Variants in SLC2A10 observed in about 807,000 individuals in gnomAD.
SLC2A10 encodes solute carrier family 2 member 10, also known as solute carrier family 2, facilitated glucose transporter member 10.
SLC2A10 carries 25 observed loss-of-function variants against 32.1 expected under a neutral mutation model. The observed-to-expected ratio is 0.78, with a 90% CI of 0.57 to 1.09. The LOEUF is 1.09. SLC2A10 is among the 50% of genes least tolerant of loss of function. SLC2A10 has a pLI of 0.00. For synonymous variants in SLC2A10, 332 were observed against 309.6 expected (o/e 1.07, Z -0.76); for missense variants, 673 against 686.5 (o/e 0.98, Z 0.22).
chr20:46,730,972 G>T (rs1237545978), intron 4 of SLC2A10, among the ~76,000 whole-genome samples: 3 of 152,152 alleles, frequency 2.0e-5, no homozygotes. Context: ...CCCCAATCTG[G>T]ATCCTAATGT....
Position 46,735,753 on chromosome 20 carries a change from T to C in SLC2A10, c.*1919T>C, listed in dbSNP as rs1980537161. The C allele has an allele frequency of 6.6e-6, 1 of 152,250 alleles. No individual in the cohort carries two copies. Among genetic ancestry groups the C allele is most frequent in the African/African-American group, 2.4e-5 (1 of 41,472 alleles). The allele number at this position is 152,250 out of a possible 1,614,324, so 9.4% of individuals were successfully genotyped here. A position where few individuals can be genotyped will look rare whatever the true frequency, so the allele number is the denominator to read the frequency against. The stretch of plus-strand genomic sequence containing the variant: ...AATGTCAGTAATGCAAATTAAACTT[T>C]AAAGTATGTCTTGTTTGTAGCCAAT... On this transcript the variant is annotated 3_prime_UTR_variant, in exon 5 of 5. Coordinates refer to ENST00000359271, the MANE Select transcript of SLC2A10 (RefSeq NM_030777.4).
At chr20:46,721,790 T>A (rs1979568941) in intron 1 of SLC2A10, among the ~76,000 whole-genome samples, 1 of 152,244 alleles carries the variant, frequency 6.6e-6, no homozygotes, top group African/African-American at 2.4e-5. Context: ...AAAATGTAGT[T>A]CTTTTTTCTT....
rs371463043 is a variant in SLC2A10, at chr20:46,712,610, T to C, written c.4+2870T>C. ...AATGTGTTCTCCTTAATTTTCTTTC[T>C]TTTCTTTTTTTCTCTTTCTTTCTTT... is the stretch of plus-strand genomic sequence containing the variant. On this transcript the variant is annotated intron_variant, in intron 1 of 4. Transcript: ENST00000359271. Among the ~76,000 whole-genome samples the C allele has an allele frequency of 2.1e-4, 32 of 152,088 alleles. No homozygotes were observed. In the South Asian group the frequency reaches 5.8e-3, roughly 28 times the overall value.
At chr20:46,726,453 C>T (rs1979968061) in intron 2 of SLC2A10, 129 bp downstream of exon 2, 3 of 1,362,200 alleles carry the variant, frequency 2.2e-6, no homozygotes, top group Non-Finnish European at 3.0e-6. Context: ...ACCATGAAGC[C>T]TCAGGGCCCC....
intron 1 of SLC2A10, 42 bp from the exon 2 acceptor site, chr20:46,724,999 A>G: frequency 6.2e-7 from 1 of 1,613,782 alleles, no homozygotes; most frequent in Non-Finnish European, 8.5e-7. Context: ...TGGTATGACA[A>G]GGAACCATTC....
intron 1 of SLC2A10, among the ~76,000 whole-genome samples, chr20:46,713,541 G>C (rs1391313162): frequency 6.6e-6 from 1 of 152,180 alleles, no homozygotes; most frequent in Non-Finnish European, 1.5e-5. Flanking sequence ...CCCAGTGAGA[G>C]GGGGCAGATC....
chr20:46,711,362 C>T (rs1469019038), intron 1 of SLC2A10, among the ~76,000 whole-genome samples: 1 of 152,162 alleles, frequency 6.6e-6, no homozygotes, highest in Non-Finnish European at 1.5e-5. Context: ...ATTCTGACTC[C>T]AGTCTGCATT....
intron 1 of SLC2A10, among the ~76,000 whole-genome samples, chr20:46,718,129 A>T (rs1343342037): frequency 2.6e-5 from 4 of 152,094 alleles, no homozygotes; most frequent in African/African-American, 9.7e-5. Flanking sequence ...AAGCTAAGGC[A>T]GGAGGATCAC....
chr20:46,726,737 GT>G (rs1979985750), intron 2 of SLC2A10, 126 bp from the exon 3 acceptor site: 1 of 1,255,840 alleles, frequency 8.0e-7, no homozygotes, highest in South Asian at 1.2e-5. Context: ...CAGAATGGGA[GT>G]GGGAGTTTAG....
At chr20:46,728,567 A>G (rs998680082) in intron 3 of SLC2A10, among the ~76,000 whole-genome samples, 1 of 150,014 alleles carries the variant, frequency 6.7e-6, no homozygotes, top group Non-Finnish European at 1.5e-5. Flanking sequence ...TGAATGATCA[A>G]TTCACTGAAT....
At chr20:46,720,903 A>C (rs2123027968) in intron 1 of SLC2A10, among the ~76,000 whole-genome samples, 1 of 152,294 alleles carries the variant, frequency 6.6e-6, no homozygotes, top group Middle Eastern at 3.4e-3. Context: ...TCCAAGACTT[A>C]GCATCTTCTA....
At chr20:46,712,651 C>CTTTTTTTTTTT (rs11477202) in intron 1 of SLC2A10, among the ~76,000 whole-genome samples, 201 of 94,416 alleles carry the variant, frequency 2.1e-3, no homozygotes, top group African/African-American at 2.7e-3. Flanking sequence ...TTCTTTCTTT[C>CTTTTTTTTTTT]TTTTTTTTTT....
rs779049061 is a variant in SLC2A10, at chr20:46,729,312, T to A, written c.1412-41T>A. 7 of 1,612,050 alleles carry A rather than the reference T, an allele frequency of 4.3e-6. No individual in the cohort carries two copies. The African/African-American group carries it at 6.7e-5, about 15-fold the overall frequency. ...GTTGGCCCAGGCTGCGGGGCCAGAGTGCTTGGTCCTGGGCCTACACTCCCG... is the reference window on the plus strand; with the variant it reads ...GTTGGCCCAGGCTGCGGGGCCAGAGAGCTTGGTCCTGGGCCTACACTCCCG... On this transcript the variant is annotated intron_variant, in intron 3 of 4. Transcript: ENST00000359271.
chr20:46,729,554 A>G, intron 4 of SLC2A10, 66 bp downstream of exon 4: 1 of 1,531,388 alleles, frequency 6.5e-7, no homozygotes, highest in African/African-American at 1.4e-5. Flanking sequence ...CAGCTTCAGG[A>G]TTTTAGTCTT....
At chr20:46,731,628 G>T (rs1980304071) in intron 4 of SLC2A10, among the ~76,000 whole-genome samples, 1 of 152,190 alleles carries the variant, frequency 6.6e-6, no homozygotes, top group South Asian at 2.1e-4. Context: ...AGCCCTTGGG[G>T]ACTGGAGGCT....
chr20:46,715,786 C>G (rs1453517789), intron 1 of SLC2A10, among the ~76,000 whole-genome samples: 1 of 152,162 alleles, frequency 6.6e-6, no homozygotes, highest in Admixed American at 6.5e-5. Flanking sequence ...GGACTGTGGA[C>G]CCAGACAGCC....
Position 46,733,700 on chromosome 20 carries a change from C to T in SLC2A10, c.1548-56C>T, listed in dbSNP as rs1392288534. 17 of 1,461,476 alleles carry T rather than the reference C, an allele frequency of 1.2e-5. 1 individual carries two copies. Among genetic ancestry groups the T allele is most frequent in the Middle Eastern group, 1.8e-4 (1 of 5,648 alleles). 90.5% of individuals were successfully genotyped at this position (1,461,476 alleles called of 1,614,324 possible). The stretch of plus-strand genomic sequence containing the variant: ...GAACCCCAGTGGAAGGTCCACTCCC[C>T]AGGGACGGCCCCAGGCCCTGCCACC... On this transcript the variant is annotated intron_variant, in intron 4 of 4. Coordinates refer to ENST00000359271, the MANE Select transcript of SLC2A10 (RefSeq NM_030777.4).
rs1034884240 is a variant in SLC2A10, at chr20:46,728,612, T to C, written c.1412-741T>C. Among the ~76,000 whole-genome samples the C allele has an allele frequency of 7.7e-3, 1,129 of 147,120 alleles. 15 individuals carry two copies. The highest frequency in any genetic ancestry group is 0.027 in the African/African-American group (1,067 of 39,318). On this transcript the variant is annotated intron_variant, in intron 3 of 4. Transcript: ENST00000359271. Reference sequence around the variant, plus strand: ...ATGGAATTTCTGGGTGTGTTTTTTTTTTTTTTTTTTTTTTTTGAAACAGGG... The same window carrying C: ...ATGGAATTTCTGGGTGTGTTTTTTTCTTTTTTTTTTTTTTTTGAAACAGGG...
At chr20:46,722,524 T>C (rs766262625) in intron 1 of SLC2A10, among the ~76,000 whole-genome samples, 21 of 152,166 alleles carry the variant, frequency 1.4e-4, no homozygotes, top group Admixed American at 1.4e-3. Context: ...TTATGAAGGG[T>C]TATCTATGCT....
Sources: allele counts gnomAD v4.1 joint callset (sites outside exome capture counted in the v4.1 genomes callset), GRCh38; gene constraint gnomAD v4.1.1; transcripts MANE v1.5; gene names NCBI Gene and HGNC (gene_info 2026-07-23, HGNC 2026-07-21).